SLC1A4: variants seen among roughly 807,000 people sequenced by gnomAD.
SLC1A4 encodes neutral amino acid transporter A.
SLC1A4 carries 19 observed loss-of-function variants against 37.7 expected under a neutral mutation model. The ratio of observed to expected loss-of-function variants is 0.50; its 90% CI spans 0.35 to 0.74. SLC1A4 has a LOEUF of 0.74. SLC1A4 is among the 30% of genes least tolerant of loss of function. The probability of loss-of-function intolerance (pLI) is 0.01; values close to 1 mark genes in which losing one functional copy is unlikely to be tolerated. For synonymous variants in SLC1A4, 299 were observed against 309.8 expected, an observed-to-expected ratio of 0.97 and a Z score of 0.37; for missense variants, 570 against 712.9, an observed-to-expected ratio of 0.80 and a Z score of 2.28.
chr2:64,990,554 TG>T (rs1558510987), intron 1 of SLC1A4, among the ~76,000 whole-genome samples: 1 of 152,208 alleles, frequency 6.6e-6, no homozygotes. Context: ...TTCTCCCACA[TG>T]GTGCCTAAAA....
At chr2:64,999,012 G>C (rs1673368177) in intron 1 of SLC1A4, among the ~76,000 whole-genome samples, 2 of 152,234 alleles carry the variant, frequency 1.3e-5, no homozygotes, top group Admixed American at 6.5e-5. Flanking sequence ...CTTTGGCACA[G>C]GGCCCCTTGC....
At chr2:64,993,497 G>T (rs1375566300) in intron 1 of SLC1A4, among the ~76,000 whole-genome samples, 1 of 152,204 alleles carries the variant, frequency 6.6e-6, no homozygotes, top group Non-Finnish European at 1.5e-5. Flanking sequence ...GAGAAGGGAT[G>T]GCCAATAGTA....
intron 3 of SLC1A4, among the ~76,000 whole-genome samples, chr2:65,008,441 C>G (rs542139169): frequency 6.6e-6 from 1 of 152,042 alleles, no homozygotes; most frequent in Non-Finnish European, 1.5e-5. Context: ...AGTTTGAGAC[C>G]GGTTTGGGCA....
At chr2:64,991,176 A>C (rs1362086516) in intron 1 of SLC1A4, among the ~76,000 whole-genome samples, 1 of 152,186 alleles carries the variant, frequency 6.6e-6, no homozygotes, top group Non-Finnish European at 1.5e-5. Context: ...TGAGGTTGTG[A>C]AAAACAGCAA....
chr2:65,019,184 G>T (rs72886522), intron 7 of SLC1A4, among the ~76,000 whole-genome samples: 4,521 of 152,284 alleles, frequency 0.03, 235 homozygotes, highest in African/African-American at 0.1. Context: ...CATCTCTGGG[G>T]CTGCTGTGAA....
intron 2 of SLC1A4, 133 bp downstream of exon 2, chr2:65,001,623 T>TTA: frequency 1.5e-6 from 1 of 660,696 alleles, no homozygotes; most frequent in South Asian, 2.0e-5. Context: ...TGGCCTAAAC[T>TTA]TTTATCAATG....
In SLC1A4 at chr2:65,021,303, C is replaced by T. The variant is rs74477520; in HGVS notation, c.*157C>T. ...CCTGAGGCTTACCTCTCGGCACTGGCATTGGGCTCCCCAGCCGGAACTGGT... is the reference window on the plus strand; with the variant it reads ...CCTGAGGCTTACCTCTCGGCACTGGTATTGGGCTCCCCAGCCGGAACTGGT... On this transcript the variant is annotated 3_prime_UTR_variant, in exon 8 of 8. Transcript: ENST00000234256. 72 of 621,544 alleles carry T rather than the reference C, an allele frequency of 1.2e-4. No individual in the cohort carries two copies. The African/African-American group carries it at 1.2e-3, about 10-fold the overall frequency. The allele number at this position is 621,544 out of a possible 1,614,324, so 38.5% of individuals were successfully genotyped here.
chr2:65,002,149 G>A (rs1286074557), intron 2 of SLC1A4, among the ~76,000 whole-genome samples: 6 of 152,098 alleles, frequency 3.9e-5, no homozygotes, highest in South Asian at 2.1e-4. Flanking sequence ...GTGTGGTGGC[G>A]TGCACCTGTA....
upstream of SLC1A4, among the ~76,000 whole-genome samples, chr2:64,988,832 C>T (rs996016360): frequency 3.3e-5 from 5 of 152,070 alleles, no homozygotes; most frequent in Non-Finnish European, 7.4e-5. Flanking sequence ...GCGCCCGGCC[C>T]CCTGGCGGGA....
Position 64,991,691 on chromosome 2 carries a change from C to G in SLC1A4, c.527+1521C>G, listed in dbSNP as rs6712347. Among the ~76,000 whole-genome samples, 737 of 152,230 alleles carry G rather than the reference C, an allele frequency of 4.8e-3. 9 individuals are homozygous for G. Among genetic ancestry groups the G allele is most frequent in the African/African-American group, 0.017 (694 of 41,534 alleles). ...TCTCGGCTCACTGCAAGCTCCGCCTCCTGGGTTCACGCCATTCTCCTGCCT... is the reference window on the plus strand; with the variant it reads ...TCTCGGCTCACTGCAAGCTCCGCCTGCTGGGTTCACGCCATTCTCCTGCCT... On this transcript the variant is annotated intron_variant, in intron 1 of 7. Coordinates refer to ENST00000234256, the MANE Select transcript of SLC1A4 (RefSeq NM_003038.5).
Position 64,990,138 on chromosome 2 carries a change from A to G in SLC1A4, c.495A>G (p.Lys165=). The G allele has an allele frequency of 1.2e-6, 2 of 1,610,502 alleles. No individual in the cohort carries two copies. The highest frequency in any genetic ancestry group is 1.1e-5 in the South Asian group (1 of 90,424). ...LEDSGPPPVP[K]ETVDSFLDLA... The stretch of plus-strand genomic sequence containing the variant: ...ACTCGGGGCCTCCTCCTGTCCCCAA[A>G]GAGACGGTGGACTCTTTCCTCGACC... Residue 165 remains lysine (K), a synonymous_variant, in exon 1 of 8, where the codon AAA becomes AAG. Transcript: ENST00000234256.
chr2:65,021,052 C>A lies in SLC1A4; in HGVS notation c.1505C>A (p.Ser502Tyr), dbSNP rs773004760. 4.3e-6 allele frequency: 7 copies of A among 1,614,230 alleles called. No homozygotes were observed. In the Admixed American group the frequency reaches 1.2e-4, roughly 27 times the overall value. Residue 502 changes from serine to tyrosine, a missense_variant, in exon 8 of 8, where the codon TCT (serine) becomes TAT (tyrosine). By Grantham distance (144) the Ser-to-Tyr change is moderately radical. Coordinates refer to ENST00000234256, the MANE Select transcript of SLC1A4 (RefSeq NM_003038.5). ...GTGGAAGCCATCCCCAACTGCAAGT[C>A]TGAGGAGGAGACATCGCCCCTGGTG... ...VKVEAIPNCK[S>Y]EEETSPLVTH...
rs1278687417 is a variant in SLC1A4 at position 65,023,604 on chromosome 2, T to C, written c.*2458T>C. 1 of 152,624 alleles carries C rather than the reference T, an allele frequency of 6.6e-6. No individual in the cohort carries two copies. Among genetic ancestry groups the C allele is most frequent in the Non-Finnish European group, 1.5e-5 (1 of 68,090 alleles). 9.5% of individuals were successfully genotyped at this position (152,624 alleles called of 1,614,324 possible). A position where few individuals can be genotyped will look rare whatever the true frequency, so the allele number is the denominator to read the frequency against. ...AAGGGTGCTTCCGAGAGTGTGCAGG[T>C]GGCCCTTCCCCTTGGAGGCGAGAAG... On this transcript the variant is annotated 3_prime_UTR_variant, in exon 8 of 8. Transcript: ENST00000234256.
chr2:64,991,554 A>G (rs928932949), intron 1 of SLC1A4, among the ~76,000 whole-genome samples: 1 of 151,562 alleles, frequency 6.6e-6, no homozygotes, highest in African/African-American at 2.4e-5. Flanking sequence ...CAGTCTCCAG[A>G]GTAGCTGAGA....
rs1673877972 is a variant in SLC1A4, at chr2:65,010,591, C to T, written c.634-6C>T. The T allele has an allele frequency of 6.3e-7, 1 of 1,598,238 alleles. No homozygotes were observed. The highest frequency in any genetic ancestry group is 8.5e-7 in the Non-Finnish European group (1 of 1,173,636). ...TAAACTTGTTCTATCCTCTCTGATC[C>T]TGCAGATCCCCATAGGCACTGAGAT... On this transcript the variant is annotated splice_region_variant and splice_polypyrimidine_tract_variant and intron_variant, in intron 3 of 7. Coordinates refer to ENST00000234256, the MANE Select transcript of SLC1A4 (RefSeq NM_003038.5).
chr2:65,007,083 T>C (rs1266917036), intron 3 of SLC1A4, among the ~76,000 whole-genome samples: 2 of 152,178 alleles, frequency 1.3e-5, no homozygotes, highest in African/African-American at 4.8e-5. Context: ...AAACAATGAT[T>C]TATTTGGCAA....
chr2:64,993,984 T>G (rs1673157976), intron 1 of SLC1A4, among the ~76,000 whole-genome samples: 1 of 152,128 alleles, frequency 6.6e-6, no homozygotes, highest in South Asian at 2.1e-4. Flanking sequence ...CTGAAATAAA[T>G]GAGGGTAGAT....
chr2:65,010,320 A>G (rs1673864793), intron 3 of SLC1A4, among the ~76,000 whole-genome samples: 1 of 152,160 alleles, frequency 6.6e-6, no homozygotes, highest in Non-Finnish European at 1.5e-5. Flanking sequence ...TCCCCATGAC[A>G]GGGAGCCCAC....
intron 3 of SLC1A4, among the ~76,000 whole-genome samples, chr2:65,004,218 G>A (rs1673588641): frequency 6.6e-6 from 1 of 151,998 alleles, no homozygotes; most frequent in Non-Finnish European, 1.5e-5. Flanking sequence ...AATCCTCAGA[G>A]GATCCGTAAA....
Sources: allele counts gnomAD v4.1 joint callset (sites outside exome capture counted in the v4.1 genomes callset), GRCh38; gene constraint gnomAD v4.1.1; transcripts MANE v1.5; gene names NCBI Gene and HGNC (gene_info 2026-07-23, HGNC 2026-07-21).